PIEZO2: variants seen among roughly 807,000 people sequenced by gnomAD.
PIEZO2 encodes piezo-type mechanosensitive ion channel component 2.
In PIEZO2, 172 loss-of-function variants were observed where a neutral mutation model predicts 337.3. The observed-to-expected ratio is 0.51, with a 90% confidence interval of 0.45 to 0.58. The LOEUF (loss-of-function observed/expected upper bound fraction) is 0.58, where lower values mean the gene tolerates loss of function less well. PIEZO2 is among the 20% of genes least tolerant of loss of function. The probability of loss-of-function intolerance (pLI) is 0.00; values close to 1 mark genes in which losing one functional copy is unlikely to be tolerated. For missense variants in PIEZO2, 3,028 were observed against 3,391.3 expected, an observed-to-expected ratio of 0.89 and a Z score of 2.66; for synonymous variants, 1,251 against 1,228.5, an observed-to-expected ratio of 1.02 and a Z score of -0.38.
chr18:11,025,918 G>A (rs375909632), intron 2 of PIEZO2, among the ~76,000 whole-genome samples: 4 of 152,270 alleles, frequency 2.6e-5, no homozygotes, highest in Admixed American at 6.5e-5. Flanking sequence ...TCTGGGTTCC[G>A]CTGGGGGCAG....
rs116099955 is a variant in PIEZO2 at position 10,856,850 on chromosome 18, G to A, written c.703+151C>T. 3,893 of 727,792 alleles carry A rather than the reference G, an allele frequency of 5.3e-3. 110 individuals are homozygous for A. The African/African-American group carries it at 0.062, about 12-fold the overall frequency. 45.1% of individuals were successfully genotyped at this position (727,792 alleles called of 1,614,324 possible). A position where few individuals can be genotyped will look rare whatever the true frequency, so the allele number is the denominator to read the frequency against. On this transcript the variant is annotated intron_variant, in intron 6 of 55. Coordinates refer to ENST00000674853, the MANE Select transcript of PIEZO2 (RefSeq NM_001378183.1). This position sits in a 1 kb window ranked among gnomAD's most constrained non-coding sequence, Gnocchi z 4.7. ...CCGGAAAAATTATTTTGTGTGGTTT[G>A]TACATGTGGCCAGTTTTACAAGAGC... is the stretch of plus-strand genomic sequence containing the variant.
chr18:10,875,077 A>C (rs1457677278), intron 4 of PIEZO2, among the ~76,000 whole-genome samples: 1 of 152,130 alleles, frequency 6.6e-6, no homozygotes, highest in Non-Finnish European at 1.5e-5. Flanking sequence ...TGTACCCCAA[A>C]ATATGTACAA....
intron 1 of PIEZO2, among the ~76,000 whole-genome samples, chr18:11,141,673 G>C (rs2040651451): frequency 6.6e-6 from 1 of 152,228 alleles, no homozygotes; most frequent in Admixed American, 6.5e-5. Flanking sequence ...CGAACGGCTT[G>C]TTCACTTGAC....
Position 10,696,223 on chromosome 18 carries a change from C to T in PIEZO2, c.7041G>A (p.Leu2347=), listed in dbSNP as rs1274693921. 4.3e-6 allele frequency: 7 copies of T among 1,614,086 alleles called. No homozygotes were observed. The highest frequency in any genetic ancestry group is 1.7e-5 in the Admixed American group (1 of 60,026). The part of the protein sequence containing the change: ...LSEDQVPGPF[L]VMVLIQFGTM... The stretch of plus-strand genomic sequence containing the variant: ...TTCCAAACTGAATGAGGACCATCAC[C>T]AAAAACGGCCCCGGGACCTGGTCCT... The change falls in exon 47 of 56, where the codon TTG becomes TTA. Residue 2347 remains leucine, a synonymous_variant. Coordinates refer to ENST00000674853, the MANE Select transcript of PIEZO2 (RefSeq NM_001378183.1).
At chr18:11,086,009 T>A (rs548648323) in intron 1 of PIEZO2, among the ~76,000 whole-genome samples, 114 of 152,208 alleles carry the variant, frequency 7.5e-4, no homozygotes, top group Non-Finnish European at 1.3e-3. Context: ...GAGTACAATA[T>A]CCTGACAGAG....
At chr18:10,851,343 A>G (rs1210230997) in intron 7 of PIEZO2, among the ~76,000 whole-genome samples, 1 of 152,128 alleles carries the variant, frequency 6.6e-6, no homozygotes, top group Non-Finnish European at 1.5e-5. Flanking sequence ...ATCTACAACA[A>G]GGAACTTTAC....
rs1422475512 is a variant in PIEZO2 at position 11,031,267 on chromosome 18, G to A, written c.160+34860C>T. ...ACCCACCTCAGCCTCCCAAAGTGCT[G>A]GGATTACAGGCGTGAGCCACTGCGC... On this transcript the variant is annotated intron_variant, in intron 2 of 55. Coordinates refer to ENST00000674853, the MANE Select transcript of PIEZO2 (RefSeq NM_001378183.1). The surrounding 1 kb of genome is among the most constrained non-coding windows in gnomAD (Gnocchi z 4.7). 6.6e-6 allele frequency among the ~76,000 whole-genome samples: 1 copy of A among 151,744 alleles called. No individual in the cohort carries two copies. Among genetic ancestry groups the A allele is most frequent in the African/African-American group, 2.4e-5 (1 of 41,288 alleles).
intron 4 of PIEZO2, among the ~76,000 whole-genome samples, chr18:10,902,465 G>T (rs924178513): frequency 1.3e-5 from 2 of 152,114 alleles, no homozygotes; most frequent in East Asian, 3.9e-4. Context: ...GTGTGTTTTT[G>T]AGCTTCTTTG....
At chr18:10,825,207 G>T (rs1489234412) in intron 7 of PIEZO2, among the ~76,000 whole-genome samples, 1 of 152,270 alleles carries the variant, frequency 6.6e-6, no homozygotes, top group African/African-American at 2.4e-5. Flanking sequence ...GCAGAATGCT[G>T]CATTACATTT....
At chr18:10,911,286 C>T (rs549785630) in intron 3 of PIEZO2, 58 bp from the exon 4 acceptor site, 50 of 427,768 alleles carry the variant, frequency 1.2e-4, no homozygotes, top group African/African-American at 8.4e-4. Context: ...TAGTTTTGTT[C>T]GGCTTTTCCA....
intron 3 of PIEZO2, among the ~76,000 whole-genome samples, chr18:10,918,832 A>C (rs1488968050): frequency 2.6e-5 from 4 of 152,022 alleles, no homozygotes; most frequent in Non-Finnish European, 4.4e-5. Flanking sequence ...ATAGTTTAAC[A>C]AAATTTAATT....
At chr18:10,690,792 T>C (rs2143619343) in intron 48 of PIEZO2, among the ~76,000 whole-genome samples, 1 of 152,334 alleles carries the variant, frequency 6.6e-6, no homozygotes, top group Admixed American at 6.5e-5. Flanking sequence ...CAGGTTGGTG[T>C]TAGGCAGAAA....
At chr18:10,974,285 G>A (rs954804606) in intron 3 of PIEZO2, among the ~76,000 whole-genome samples, 2 of 152,174 alleles carry the variant, frequency 1.3e-5, no homozygotes, top group Non-Finnish European at 2.9e-5. Context: ...TTCTTGGTTG[G>A]TGGGCTTCTG....
At chr18:10,705,090 A>G (rs1366669353) in intron 41 of PIEZO2, among the ~76,000 whole-genome samples, 3 of 152,118 alleles carry the variant, frequency 2.0e-5, no homozygotes, top group Non-Finnish European at 4.4e-5. Flanking sequence ...ACAACCTAAT[A>G]TCAGACCTTA....
At chr18:11,087,575 G>C (rs8091121) in intron 1 of PIEZO2, among the ~76,000 whole-genome samples, 1 of 152,020 alleles carries the variant, frequency 6.6e-6, no homozygotes, top group Admixed American at 6.5e-5. Context: ...TTTAAGCTCT[G>C]GTGTTTCCTG....
chr18:10,688,349 T>C (rs957769488), intron 49 of PIEZO2, among the ~76,000 whole-genome samples: 1 of 152,212 alleles, frequency 6.6e-6, no homozygotes, highest in South Asian at 2.1e-4. Flanking sequence ...TTCTTTTTTA[T>C]GGCTGCATAG....
chr18:10,704,603 G>C lies in PIEZO2; in HGVS notation c.6049C>G (p.Gln2017Glu). The change falls in exon 42 of 56, where the codon CAG becomes GAG. Residue 2017 changes from glutamine (Q) to glutamate (E), a missense_variant. Gln to Glu is a conservative substitution (Grantham distance 29). This residue lies in a region of PIEZO2 where 1,925 missense variants were observed against 2,051.9 expected (regional missense o/e 0.94). Transcript: ENST00000674853. ...LEESEKFYVG[Q>E]PRFLLLFYAM... is the part of the protein sequence containing the mutation. ...TAGAAGAGCAGCAGAAATCGGGGCT[G>C]CCCCACGTAGAATTTCTCTGACTCT... The C allele has an allele frequency of 6.5e-7, 1 of 1,537,250 alleles. No homozygotes were observed. The highest frequency in any genetic ancestry group is 8.7e-7 in the Non-Finnish European group (1 of 1,146,888).
chr18:11,018,220 G>GGTGTGTGTGT (rs3971612), intron 2 of PIEZO2, among the ~76,000 whole-genome samples: 2 of 144,034 alleles, frequency 1.4e-5, no homozygotes, highest in Non-Finnish European at 3.0e-5. Flanking sequence ...TGGTGGTGGT[G>GGTGTGTGTGT]GTGTGTGTGT....
In PIEZO2 at chr18:10,954,055, G is replaced by A. The variant is rs1301266211; in HGVS notation, c.286+25480C>T. Among the ~76,000 whole-genome samples, 1 of 152,190 alleles carries A rather than the reference G, an allele frequency of 6.6e-6. No individual in the cohort carries two copies. The highest frequency in any genetic ancestry group is 1.5e-5 in the Non-Finnish European group (1 of 68,038). On this transcript the variant is annotated intron_variant, in intron 3 of 55. Coordinates refer to ENST00000674853, the MANE Select transcript of PIEZO2 (RefSeq NM_001378183.1). The surrounding 1 kb of genome is among the most constrained non-coding windows in gnomAD (Gnocchi z 4.2). ...GGTCCCTTGAGGCTTAAAAATATAA[G>A]ACAGCCTGTGAAATTTTAGGCCTTA...
Sources: allele counts gnomAD v4.1 joint callset (sites outside exome capture counted in the v4.1 genomes callset), GRCh38; gene constraint gnomAD v4.1.1; regional missense constraint gnomAD v4.1.1; non-coding constraint Gnocchi (gnomAD v3.1); transcripts MANE v1.5; gene names NCBI Gene and HGNC (gene_info 2026-07-23, HGNC 2026-07-21).